Variants in FBN1 observed in about 807,000 individuals in gnomAD.
The protein encoded by FBN1 is fibrillin 1.
A neutral mutation model predicts 365.1 loss-of-function variants in FBN1; 29 were observed. The observed-to-expected ratio is 0.08, with a 90% CI of 0.06 to 0.11. The LOEUF is 0.11. FBN1 is among the 10% of genes least tolerant of loss of function. FBN1 has a pLI of 1.00. For synonymous variants in FBN1, 1,210 were observed against 1,270.5 expected, an observed-to-expected ratio of 0.95 and a Z score of 1.01; for missense variants, 2,476 against 3,703.2, an observed-to-expected ratio of 0.67 and a Z score of 8.60.
rs535028711 is a variant in FBN1 at position 48,489,380 on chromosome 15, C to T, written c.3082+471G>A. ...CTCATTAATATAATTTAAAGAGCTT[C>T]TTGTACACTAGAAAACTGCATACAT... On this transcript the variant is annotated intron_variant, in intron 25 of 65. Transcript: ENST00000316623. Among the ~76,000 whole-genome samples the T allele has an allele frequency of 5.9e-5, 9 of 152,050 alleles. 1 individual carries two copies. Among genetic ancestry groups the T allele is most frequent in the African/African-American group, 2.2e-4 (9 of 41,474 alleles).
chr15:48,610,111 A>G (rs1336900967), intron 4 of FBN1, among the ~76,000 whole-genome samples: 2 of 152,218 alleles, frequency 1.3e-5, no homozygotes, highest in Non-Finnish European at 2.9e-5. Flanking sequence ...TAAACAACCA[A>G]TTATGACTCA....
intron 20 of FBN1, 56 bp from the exon 21 acceptor site, chr15:48,495,644 G>A (rs1433966840): frequency 1.2e-5 from 19 of 1,611,304 alleles, no homozygotes; most frequent in Non-Finnish European, 1.3e-5. Flanking sequence ...GCCTAAAAGA[G>A]TACTTCAACT....
intron 42 of FBN1, 146 bp from the exon 43 acceptor site, chr15:48,460,463 T>A: frequency 1.5e-6 from 1 of 660,848 alleles, no homozygotes; most frequent in Non-Finnish European, 2.7e-6. Flanking sequence ...ACCTGAAAAT[T>A]CCTACAGATA....
intron 42 of FBN1, among the ~76,000 whole-genome samples, chr15:48,461,023 T>C (rs1006012402): frequency 6.6e-6 from 1 of 152,186 alleles, no homozygotes; most frequent in Non-Finnish European, 1.5e-5. Flanking sequence ...ATGGTATCAA[T>C]CTAAGCTTCA....
intron 14 of FBN1, among the ~76,000 whole-genome samples, chr15:48,508,925 T>C (rs1249145406): frequency 1.3e-5 from 2 of 152,202 alleles, no homozygotes; most frequent in Non-Finnish European, 2.9e-5. Flanking sequence ...ATGCAAACTC[T>C]AGGGCTAGAT....
rs1439113682 is a variant in FBN1, at chr15:48,409,338, C to T, written c.*1652G>A. On this transcript the variant is annotated 3_prime_UTR_variant, in exon 66 of 66. Transcript: ENST00000316623. ...CCTTCCGGAATAGTATGAGCCAAAT[C>T]TACTCCATTTTTTTCAGCTGAGCTC... is the stretch of plus-strand genomic sequence containing the variant. 1 of 152,144 alleles carries T rather than the reference C, an allele frequency of 6.6e-6. No individual in the cohort carries two copies. The highest frequency in any genetic ancestry group is 1.5e-5 in the Non-Finnish European group (1 of 68,038). 9.4% of individuals were successfully genotyped at this position (152,144 alleles called of 1,614,324 possible).
intron 52 of FBN1, 88 bp from the exon 53 acceptor site, chr15:48,437,165 ATTATC>A: frequency 8.7e-7 from 1 of 1,152,376 alleles, no homozygotes; most frequent in Middle Eastern, 1.9e-4. Context: ...TAATCAAAAG[ATTATC>A]TAATAATGCA....
At chr15:48,545,206 TGATTA>T (rs1566923891) in intron 6 of FBN1, among the ~76,000 whole-genome samples, 5 of 152,248 alleles carry the variant, frequency 3.3e-5, no homozygotes, top group Non-Finnish European at 7.3e-5. Flanking sequence ...AAGGGTCTTA[TGATTA>T]AATATAAAAA....
At chr15:48,445,600 A>C (rs567284230) in intron 47 of FBN1, 96 bp from the exon 48 acceptor site, 28 of 1,388,808 alleles carry the variant, frequency 2.0e-5, no homozygotes, top group Non-Finnish European at 2.7e-5. Flanking sequence ...ACTTTTTCTG[A>C]ATTTTAGTGG....
chr15:48,599,679 T>A (rs1461095229), intron 5 of FBN1, among the ~76,000 whole-genome samples: 7 of 152,164 alleles, frequency 4.6e-5, no homozygotes, highest in Non-Finnish European at 8.8e-5. Context: ...GGTAGCAGAA[T>A]CTAGATTAGG....
intron 49 of FBN1, among the ~76,000 whole-genome samples, chr15:48,442,388 T>A (rs2043122893): frequency 6.6e-6 from 1 of 152,152 alleles, no homozygotes; most frequent in Non-Finnish European, 1.5e-5. Flanking sequence ...ATAAGTATAA[T>A]CCTATGAAGT....
intron 1 of FBN1, among the ~76,000 whole-genome samples, chr15:48,645,288 CT>C (rs1890284117): frequency 6.6e-6 from 1 of 152,166 alleles, no homozygotes; most frequent in Admixed American, 6.5e-5. Flanking sequence ...CGCCCCACTC[CT>C]CAGCCTGCCC....
chr15:48,472,533 G>C lies in FBN1; in HGVS notation c.4336+18C>G. On this transcript the variant is annotated intron_variant, in intron 35 of 65. Transcript: ENST00000316623. The stretch of plus-strand genomic sequence containing the variant: ...CATCAAGCCCAGCAAGGCTCCCAGT[G>C]GCTTCCCCATCAGTTACCTTCACAG... 6.2e-7 allele frequency: 1 copy of C among 1,613,076 alleles called. No individual in the cohort carries two copies. The highest frequency in any genetic ancestry group is 1.1e-5 in the South Asian group (1 of 91,034).
intron 47 of FBN1, 125 bp downstream of exon 47, chr15:48,446,581 C>G: frequency 1.3e-6 from 1 of 743,812 alleles, no homozygotes. Context: ...AGTCCCATAA[C>G]CAATTGTTAT....
intron 49 of FBN1, among the ~76,000 whole-genome samples, chr15:48,443,785 G>A (rs2043134230): frequency 6.6e-6 from 1 of 152,034 alleles, no homozygotes; most frequent in Admixed American, 6.6e-5. Flanking sequence ...TTAAAGGAAG[G>A]CCCTTGGGAG....
At chr15:48,480,530 C>T (rs1221313742) in intron 32 of FBN1, among the ~76,000 whole-genome samples, 1 of 152,086 alleles carries the variant, frequency 6.6e-6, no homozygotes, top group Admixed American at 6.6e-5. Context: ...CAGCTTCATG[C>T]TTCTTCTCAT....
rs2044549618 is a variant in FBN1 at position 48,600,086 on chromosome 15, C to T, written c.442+53G>A. 3.1e-6 allele frequency: 4 copies of T among 1,288,302 alleles called. No homozygotes were observed. The East Asian group carries it at 6.9e-5, about 22-fold the overall frequency. 79.8% of individuals were successfully genotyped at this position (1,288,302 alleles called of 1,614,324 possible). On this transcript the variant is annotated intron_variant, in intron 5 of 65. Transcript: ENST00000316623. ...CATCAGCACTTATCTCTTTATTCTA[C>T]TTGTCTACAAACAGGTTAACATCTA...
At position 48,611,046 on chromosome 15, in the gene FBN1, G is replaced by A. The variant is rs113796406; in HGVS notation, c.248-220C>T. ...ATCCACAACTCCTTTATCCAGTCAC[G>A]GTGGTTCTCAACCTCTCTTTGCTTA... is the stretch of plus-strand genomic sequence containing the variant. On this transcript the variant is annotated intron_variant, in intron 3 of 65. Transcript: ENST00000316623. Among the ~76,000 whole-genome samples the A allele has an allele frequency of 1.6e-4, 24 of 152,110 alleles. 1 individual carries two copies. Among genetic ancestry groups the A allele is most frequent in the African/African-American group, 4.8e-4 (20 of 41,498 alleles).
At chr15:48,481,200 T>G (rs1047900425) in intron 32 of FBN1, among the ~76,000 whole-genome samples, 2 of 152,220 alleles carry the variant, frequency 1.3e-5, no homozygotes, top group Non-Finnish European at 2.9e-5. Context: ...TTTAAGGCAC[T>G]GGAAGACTAG....
Sources: gnomAD v4.1 joint callset for allele counts (sites outside exome capture counted in the v4.1 genomes callset) on GRCh38, gnomAD v4.1.1 for gene constraint, MANE v1.5 for transcripts, NCBI Gene and HGNC (gene_info 2026-07-23, HGNC 2026-07-21) for gene names.